LRIG1: variants seen among roughly 807,000 people sequenced by gnomAD.
LRIG1 encodes leucine rich repeats and immunoglobulin like domains 1.
A neutral mutation model predicts 99.2 loss-of-function variants in LRIG1; 48 were observed. The observed-to-expected ratio is 0.48, with a 90% CI of 0.38 to 0.62. LRIG1 has a LOEUF of 0.62. Ranked by LOEUF, LRIG1 falls within the 20% of genes least tolerant of loss-of-function variation. The probability of loss-of-function intolerance (pLI) is 0.00; values close to 1 mark genes in which losing one functional copy is unlikely to be tolerated. For missense variants in LRIG1, 1,646 were observed against 1,434.4 expected, an observed-to-expected ratio of 1.15 and a Z score of -2.38; for synonymous variants, 772 against 596.1, an observed-to-expected ratio of 1.29 and a Z score of -4.30.
At chr3:66,438,371 A>G (rs1369123709) in intron 3 of LRIG1, among the ~76,000 whole-genome samples, 1 of 152,184 alleles carries the variant, frequency 6.6e-6, no homozygotes, top group Non-Finnish European at 1.5e-5. Flanking sequence ...TCTGTTCCAA[A>G]GAACATACAG....
In LRIG1 at chr3:66,382,353, T is replaced by G. The variant is rs767953463; in HGVS notation, c.2537A>C (p.Gln846Pro). 5.0e-6 allele frequency: 8 copies of G among 1,614,064 alleles called. No homozygotes were observed. Among genetic ancestry groups the G allele is most frequent in the Non-Finnish European group, 6.8e-6 (8 of 1,180,012 alleles). Residue 846 changes from glutamine (Q) to proline (P), a missense_variant, in exon 16 of 19, where the codon CAG (glutamine) becomes CCG (proline). Gln to Pro is a moderately conservative substitution (Grantham distance 76). Transcript: ENST00000273261. ...PPDVPSYLSS[Q>P]GTLSDRQETV... ...TTCTTGTCGGTCAGAAAGGGTCCCCTGAGAAGAGAGGTAGCTTGGAACATC... is the reference window on the plus strand; with the variant it reads ...TTCTTGTCGGTCAGAAAGGGTCCCCGGAGAAGAGAGGTAGCTTGGAACATC...
chr3:66,472,699 T>A (rs1214311437), intron 1 of LRIG1, among the ~76,000 whole-genome samples: 4 of 152,098 alleles, frequency 2.6e-5, no homozygotes, highest in African/African-American at 4.8e-5. Context: ...ATAAGAAAAT[T>A]CTATAGCAGT....
At chr3:66,385,328 TACTCAAAGA>T (rs1701319895) in intron 13 of LRIG1, among the ~76,000 whole-genome samples, 1 of 152,320 alleles carries the variant, frequency 6.6e-6, no homozygotes, top group Non-Finnish European at 1.5e-5. Flanking sequence ...CTGTGCCATC[TACTCAAAGA>T]ACAGCAGCTT....
chr3:66,485,916 T>C (rs1027318110), intron 1 of LRIG1, among the ~76,000 whole-genome samples: 1 of 152,110 alleles, frequency 6.6e-6, no homozygotes, highest in African/African-American at 2.4e-5. Context: ...CAAAGACCAA[T>C]CGGCCTCCAG....
chr3:66,412,884 T>C lies in LRIG1; in HGVS notation c.778A>G (p.Lys260Glu). ...GTCCGCACTTACAGCACATGCATCT[T>C]GGACAGTCCCCAGAAGGCCCCATCT... The part of the protein sequence containing the change: ...LTDGAFWGLS[K>E]MHVLHLEYNS... The change falls in exon 6 of 19, where the codon AAG becomes GAG. Residue 260 changes from lysine to glutamate, a missense_variant. Physicochemically the swap from Lys to Glu is moderately conservative, Grantham distance 56 (BLOSUM62 1). Coordinates refer to ENST00000273261, the MANE Select transcript of LRIG1 (RefSeq NM_015541.3). 1 of 1,614,148 alleles carries C rather than the reference T, an allele frequency of 6.2e-7. No homozygotes were observed. Among genetic ancestry groups the C allele is most frequent in the Non-Finnish European group, 8.5e-7 (1 of 1,179,998 alleles).
chr3:66,385,811 A>T (rs79503273), intron 13 of LRIG1, among the ~76,000 whole-genome samples, 170 bp downstream of exon 13: 1 of 152,352 alleles, frequency 6.6e-6, no homozygotes, highest in East Asian at 1.9e-4. Flanking sequence ...AACCCTTGAA[A>T]TCTGCAAAAC....
At chr3:66,479,803 T>C (rs1700806342) in intron 1 of LRIG1, among the ~76,000 whole-genome samples, 1 of 152,226 alleles carries the variant, frequency 6.6e-6, no homozygotes, top group Non-Finnish European at 1.5e-5. Context: ...TAGCAAGTGC[T>C]GGTGAGGTAG....
intron 3 of LRIG1, among the ~76,000 whole-genome samples, chr3:66,437,884 C>A (rs561748855): frequency 6.6e-6 from 1 of 152,216 alleles, no homozygotes; most frequent in African/African-American, 2.4e-5. Flanking sequence ...GGTACAGGAT[C>A]CAGAGACACA....
intron 9 of LRIG1, chr3:66,404,458 G>A: frequency 2.6e-6 from 3 of 1,142,212 alleles, no homozygotes; most frequent in Non-Finnish European, 2.2e-6. Flanking sequence ...TCTGCAGAAA[G>A]TGCTGGTTAC....
At chr3:66,380,921 C>G in intron 17 of LRIG1, 60 bp from the exon 18 acceptor site, 1 of 1,555,234 alleles carries the variant, frequency 6.4e-7, no homozygotes, top group Non-Finnish European at 8.8e-7. Flanking sequence ...CGTCCCCACA[C>G]AGAGGACAGG....
At chr3:66,408,261 T>C (rs952670699) in intron 7 of LRIG1, among the ~76,000 whole-genome samples, 1 of 152,198 alleles carries the variant, frequency 6.6e-6, no homozygotes, top group South Asian at 2.1e-4. Context: ...TAAAGGCAGC[T>C]AGGAGCAGCA....
In LRIG1 at chr3:66,398,956, G is replaced by A. The variant is rs749733873; in HGVS notation, c.1232+14C>T. On this transcript the variant is annotated intron_variant, in intron 10 of 18. Transcript: ENST00000273261. The stretch of plus-strand genomic sequence containing the variant: ...GCAGGCTGTGCCTCAGGGCAGGGCT[G>A]GTGAGATACTCACAGGTGCTCCAGG... 6.2e-7 allele frequency: 1 copy of A among 1,612,414 alleles called. No individual in the cohort carries two copies. Among genetic ancestry groups the A allele is most frequent in the East Asian group, 2.2e-5 (1 of 44,886 alleles).
intron 2 of LRIG1, among the ~76,000 whole-genome samples, chr3:66,455,243 A>G (rs1324298098): frequency 1.3e-5 from 2 of 152,098 alleles, no homozygotes; most frequent in Non-Finnish European, 2.9e-5. Flanking sequence ...CCATGCCTGA[A>G]TTTTTCTTGC....
chr3:66,405,974 C>T (rs889462019), intron 8 of LRIG1: 7 of 994,554 alleles, frequency 7.0e-6, no homozygotes, highest in Non-Finnish European at 8.4e-6. Context: ...AGTGCCCAGG[C>T]GAGACATCAC....
chr3:66,405,894 A>C (rs983667639), intron 8 of LRIG1: 1 of 1,040,524 alleles, frequency 9.6e-7, no homozygotes, highest in Non-Finnish European at 1.2e-6. Flanking sequence ...AACTCAGCCC[A>C]GGCCCCTCCA....
chr3:66,495,416 C>T (rs1191574072), intron 1 of LRIG1, among the ~76,000 whole-genome samples: 1 of 152,222 alleles, frequency 6.6e-6, no homozygotes, highest in East Asian at 1.9e-4. Context: ...ATTGCAGTCA[C>T]TGAGGAGGGG....
Position 66,413,091 on chromosome 3 carries a change from C to G in LRIG1, c.648-77G>C. ...CACAACCATTCTGAAGCAGTCCTGG[C>G]TAAGTTTCCAAGCCAGAGGAGAAAT... On this transcript the variant is annotated intron_variant, in intron 5 of 18. Coordinates refer to ENST00000273261, the MANE Select transcript of LRIG1 (RefSeq NM_015541.3). The G allele has an allele frequency of 7.7e-6, 12 of 1,552,514 alleles. No homozygotes were observed. In the South Asian group the frequency reaches 1.3e-4, roughly 16 times the overall value.
At chr3:66,481,271 C>T (rs1700844995) in intron 1 of LRIG1, among the ~76,000 whole-genome samples, 2 of 152,194 alleles carry the variant, frequency 1.3e-5, no homozygotes, top group Admixed American at 1.3e-4. Flanking sequence ...ACTCTTTCAC[C>T]CAACATCATT....
Position 66,473,735 on chromosome 3 carries a change from G to A in LRIG1, c.219-11226C>T, listed in dbSNP as rs1337263073. 2.6e-5 allele frequency among the ~76,000 whole-genome samples: 4 copies of A among 152,190 alleles called. No homozygotes were observed. In the East Asian group the frequency reaches 7.7e-4, roughly 29 times the overall value. ...TCCGCTGTATTACAGGGAGGCACGC[G>A]ACTATCTCTAGCTAAGTATTTTAAA... On this transcript the variant is annotated intron_variant, in intron 1 of 18. Coordinates refer to ENST00000273261, the MANE Select transcript of LRIG1 (RefSeq NM_015541.3).
Sources: allele counts gnomAD v4.1 joint callset (sites outside exome capture counted in the v4.1 genomes callset), GRCh38; gene constraint gnomAD v4.1.1; transcripts MANE v1.5; gene names NCBI Gene and HGNC (gene_info 2026-07-23, HGNC 2026-07-21).